The following DHX57 variants were observed in gnomAD, a reference collection of about 807,000 sequenced individuals.
DHX57 encodes DExH-box helicase 57, also known as putative ATP-dependent RNA helicase DHX57.
DHX57 carries 105 observed loss-of-function variants against 156.2 expected under a neutral mutation model. The observed-to-expected ratio is 0.67, with a 90% CI of 0.57 to 0.79. DHX57 has a LOEUF of 0.79. Ranked by LOEUF, DHX57 falls within the 30% of genes least tolerant of loss-of-function variation. The pLI, the probability that DHX57 is intolerant of heterozygous loss-of-function variation, is 0.00. For synonymous variants in DHX57, 704 were observed against 595.6 expected, an observed-to-expected ratio of 1.18 and a Z score of -2.65; for missense variants, 1,847 against 1,661.9, an observed-to-expected ratio of 1.11 and a Z score of -1.94.
chr2:38,805,315 C>G (rs916469971), intron 22 of DHX57, among the ~76,000 whole-genome samples: 1 of 151,996 alleles, frequency 6.6e-6, no homozygotes, highest in Non-Finnish European at 1.5e-5. Context: ...GATAGAGCAG[C>G]CTGAATGTTT....
chr2:38,834,446 G>T (rs1671548662), intron 13 of DHX57, among the ~76,000 whole-genome samples: 11 of 151,674 alleles, frequency 7.3e-5, no homozygotes. Flanking sequence ...GCCACCTCCT[G>T]TTGCTACTGC....
chr2:38,855,138 A>T lies in DHX57; in HGVS notation c.1824T>A (p.Ser608=), dbSNP rs1672824471. Reference sequence around the variant, plus strand: ...TTTCTTTAGCAACGCGTTCAGCAACAGAGATTGCAGAGATTCGTCGGGGTT... The same window carrying T: ...TTTCTTTAGCAACGCGTTCAGCAACTGAGATTGCAGAGATTCGTCGGGGTT... The part of the protein sequence containing the change: ...CTQPRRISAI[S]VAERVAKERA... The change falls in exon 8 of 24, where the codon TCT becomes TCA. Residue 608 remains serine (S), a synonymous_variant. Coordinates refer to ENST00000457308, the MANE Select transcript of DHX57 (RefSeq NM_198963.3). 6.2e-7 allele frequency: 1 copy of T among 1,614,148 alleles called. No homozygotes were observed. The highest frequency in any genetic ancestry group is 8.5e-7 in the Non-Finnish European group (1 of 1,180,022).
intron 13 of DHX57, among the ~76,000 whole-genome samples, chr2:38,830,249 C>G (rs564886580): frequency 1.3e-5 from 2 of 152,152 alleles, no homozygotes; most frequent in African/African-American, 4.8e-5. Flanking sequence ...TGAAAGAGAT[C>G]TTATAGCATT....
At chr2:38,871,336 C>T (rs537255295) in intron 1 of DHX57, among the ~76,000 whole-genome samples, 19 of 151,996 alleles carry the variant, frequency 1.3e-4, no homozygotes, top group Middle Eastern at 6.8e-3. Context: ...TTGGTGGGAG[C>T]GTAATTGTGC....
intron 10 of DHX57, among the ~76,000 whole-genome samples, chr2:38,847,358 T>G (rs924360233): frequency 1.3e-5 from 2 of 152,168 alleles, no homozygotes; most frequent in Admixed American, 1.3e-4. Flanking sequence ...CCCCGCCACT[T>G]CCACCATAGA....
intron 13 of DHX57, among the ~76,000 whole-genome samples, chr2:38,830,076 A>G (rs112259841): frequency 7.2e-5 from 11 of 152,280 alleles, no homozygotes; most frequent in African/African-American, 2.4e-4. Context: ...AATCCCACAA[A>G]TATTTATTGG....
Position 38,802,781 on chromosome 2 carries a change from A to C in DHX57, c.3951T>G (p.Leu1317=), listed in dbSNP as rs1669749139. The change falls in exon 23 of 24, where the codon CTT becomes CTG. Residue 1317 remains leucine, a synonymous_variant. Coordinates refer to ENST00000457308, the MANE Select transcript of DHX57 (RefSeq NM_198963.3). ...GGGAGACAACGAACTCTCCTCTTTG[A>C]AGCTGCACATTCACTTGGCCTCCTC... is the stretch of plus-strand genomic sequence containing the variant. ...LFGGGQVNVQ[L]QRGEFVVSLD... is the part of the protein sequence containing the mutation. 1 of 1,614,142 alleles carries C rather than the reference A, an allele frequency of 6.2e-7. No individual in the cohort carries two copies. Among genetic ancestry groups the C allele is most frequent in the East Asian group, 2.2e-5 (1 of 44,888 alleles).
intron 22 of DHX57, among the ~76,000 whole-genome samples, chr2:38,805,070 T>C (rs1022809925): frequency 3.3e-5 from 5 of 152,170 alleles, no homozygotes; most frequent in Non-Finnish European, 5.9e-5. Flanking sequence ...CTAGTAGATA[T>C]TACATGGATA....
intron 11 of DHX57, among the ~76,000 whole-genome samples, chr2:38,845,061 G>A (rs1000152604): frequency 6.6e-6 from 1 of 152,062 alleles, no homozygotes; most frequent in Non-Finnish European, 1.5e-5. Context: ...GCCAGGCATG[G>A]TGGCACACAT....
rs574535201 is a variant in DHX57 at position 38,861,407 on chromosome 2, C to G, written c.1003G>C (p.Glu335Gln). ...AGATGAGAATCATCTACACTTCTTT[C>G]TATTCTTCCAACAATTTGATTTGGG... ...VPPNQIVGRI[E>Q]RSVDDSHLNA... Residue 335 changes from glutamate to glutamine, a missense_variant, in exon 5 of 24, where the codon GAA becomes CAA. Coordinates refer to ENST00000457308, the MANE Select transcript of DHX57 (RefSeq NM_198963.3). 20 of 1,614,080 alleles carry G rather than the reference C, an allele frequency of 1.2e-5. No individual in the cohort carries two copies. Among genetic ancestry groups the G allele is most frequent in the African/African-American group, 2.7e-5 (2 of 75,060 alleles).
intron 14 of DHX57, among the ~76,000 whole-genome samples, chr2:38,827,529 TATATACAC>T (rs1242055812): frequency 0.083 from 4,295 of 51,560 alleles, 351 homozygotes; most frequent in Middle Eastern, 0.14. Flanking sequence ...TATATATATA[TATATACAC>T]ACATACATAT....
At chr2:38,873,189 C>T (rs1478394672) in intron 1 of DHX57, among the ~76,000 whole-genome samples, 10 of 152,276 alleles carry the variant, frequency 6.6e-5, no homozygotes, top group African/African-American at 2.4e-4. Flanking sequence ...TGGTGTTTCA[C>T]CATGTTGGTC....
At chr2:38,852,605 A>ATTT (rs542654940) in intron 9 of DHX57, among the ~76,000 whole-genome samples, 1 of 131,024 alleles carries the variant, frequency 7.6e-6, no homozygotes, top group Non-Finnish European at 1.7e-5. Flanking sequence ...CAGACTTTTA[A>ATTT]TTTTTTTTTT....
chr2:38,851,293 T>C (rs1672580018), intron 9 of DHX57, among the ~76,000 whole-genome samples: 1 of 152,200 alleles, frequency 6.6e-6, no homozygotes, highest in African/African-American at 2.4e-5. Context: ...TTTACATTTT[T>C]TGGTATTTAC....
chr2:38,811,854 C>G (rs904651380), intron 21 of DHX57, among the ~76,000 whole-genome samples: 1 of 152,182 alleles, frequency 6.6e-6, no homozygotes, highest in Non-Finnish European at 1.5e-5. Context: ...TCACCTAAAA[C>G]TTCTTATACC....
At chr2:38,852,181 C>T (rs1217495010) in intron 9 of DHX57, among the ~76,000 whole-genome samples, 1 of 150,060 alleles carries the variant, frequency 6.7e-6, no homozygotes, top group Non-Finnish European at 1.5e-5. Flanking sequence ...TATGCCTTCT[C>T]TGTTCAATTC....
intron 22 of DHX57, among the ~76,000 whole-genome samples, chr2:38,803,798 T>C (rs1452862007): frequency 1.3e-5 from 2 of 150,646 alleles, no homozygotes; most frequent in Admixed American, 6.6e-5. Context: ...CTTTTTTTTT[T>C]TGAGATGCAG....
chr2:38,803,669 G>A (rs1368493649), intron 22 of DHX57, among the ~76,000 whole-genome samples: 2 of 151,472 alleles, frequency 1.3e-5, no homozygotes, highest in Non-Finnish European at 2.9e-5. Context: ...TGTATTTTTA[G>A]TAGAGACAGG....
intron 23 of DHX57, among the ~76,000 whole-genome samples, chr2:38,800,099 C>G (rs187390459): frequency 6.7e-6 from 1 of 148,934 alleles, no homozygotes; most frequent in South Asian, 2.1e-4. Context: ...GCAGGAGAAT[C>G]GCTTGAACAC....
Sources: gnomAD v4.1 joint callset for allele counts (sites outside exome capture counted in the v4.1 genomes callset) on GRCh38, gnomAD v4.1.1 for gene constraint, MANE v1.5 for transcripts, NCBI Gene and HGNC (gene_info 2026-07-23, HGNC 2026-07-21) for gene names.